SDCCAG8: variants seen among roughly 807,000 people sequenced by gnomAD.
The protein encoded by SDCCAG8 is serologically defined colon cancer antigen 8.
A neutral mutation model predicts 101.8 loss-of-function variants in SDCCAG8; 74 were observed. The observed-to-expected ratio is 0.73, with a 90% CI of 0.60 to 0.88. The LOEUF is 0.88. Ranked by LOEUF, SDCCAG8 falls within the 40% of genes least tolerant of loss-of-function variation. The pLI, the probability that SDCCAG8 is intolerant of heterozygous loss-of-function variation, is 0.00. For synonymous variants in SDCCAG8, 281 were observed against 292.9 expected, an observed-to-expected ratio of 0.96 and a Z score of 0.41; for missense variants, 787 against 822.6, an observed-to-expected ratio of 0.96 and a Z score of 0.53.
At chr1:243,352,494 A>C (rs916368688) in intron 12 of SDCCAG8, among the ~76,000 whole-genome samples, 1 of 152,334 alleles carries the variant, frequency 6.6e-6, no homozygotes, top group East Asian at 1.9e-4. Flanking sequence ...TCAGGTACCA[A>C]CTCTGCAGTT....
chr1:243,420,069 G>A (rs537276073), intron 15 of SDCCAG8, among the ~76,000 whole-genome samples: 3 of 152,298 alleles, frequency 2.0e-5, no homozygotes, highest in Admixed American at 6.5e-5. Flanking sequence ...GGTGCTATTC[G>A]CACCTCCTGA....
chr1:243,346,463 A>G (rs2075713670), intron 12 of SDCCAG8, among the ~76,000 whole-genome samples: 1 of 152,212 alleles, frequency 6.6e-6, no homozygotes, highest in African/African-American at 2.4e-5. Context: ...ATTTTAGTTC[A>G]TCTGACCACT....
At chr1:243,377,983 G>C (rs1158624925) in intron 12 of SDCCAG8, among the ~76,000 whole-genome samples, 1 of 150,532 alleles carries the variant, frequency 6.6e-6, no homozygotes, top group Non-Finnish European at 1.5e-5. Context: ...AGATATTTTT[G>C]CTTTGAAATA....
intron 6 of SDCCAG8, among the ~76,000 whole-genome samples, chr1:243,303,733 C>T (rs544354039): frequency 3.9e-5 from 6 of 152,102 alleles, no homozygotes; most frequent in African/African-American, 1.4e-4. Flanking sequence ...GTTAAGTCTT[C>T]TAGTCAATAG....
At chr1:243,336,704 T>A (rs111946485) in intron 10 of SDCCAG8, among the ~76,000 whole-genome samples, 107 of 152,274 alleles carry the variant, frequency 7.0e-4, no homozygotes, top group African/African-American at 2.6e-3. Context: ...GATTACAGTG[T>A]GATGTGAGAG....
chr1:243,487,004 G>T (rs1349129913), intron 16 of SDCCAG8, among the ~76,000 whole-genome samples: 3 of 152,224 alleles, frequency 2.0e-5, no homozygotes, highest in Non-Finnish European at 2.9e-5. Context: ...CCACCTTAGG[G>T]TTCCAGAGCT....
At chr1:243,450,137 C>T (rs188528925) in intron 16 of SDCCAG8, among the ~76,000 whole-genome samples, 130 of 152,220 alleles carry the variant, frequency 8.5e-4, no homozygotes, top group African/African-American at 3.1e-3. Context: ...TCATGGCCTT[C>T]GATGTCCTTC....
In SDCCAG8 at chr1:243,433,541, GTCTCTCCTGAGGAACCAGCCTC is replaced by G. The variant is rs544830700; in HGVS notation, c.1985+6984_1985+7005del. 3.8e-3 allele frequency among the ~76,000 whole-genome samples: 579 copies of G among 152,200 alleles called. 3 individuals carry two copies. Among genetic ancestry groups the G allele is most frequent in the African/African-American group, 0.013 (547 of 41,524 alleles). On this transcript the variant is annotated intron_variant, in intron 16 of 17. Coordinates refer to ENST00000366541, the MANE Select transcript of SDCCAG8 (RefSeq NM_006642.5). The stretch of plus-strand genomic sequence containing the variant: ...CCAGAAACCCAGATGCAAGAAGAAA[GTCTCTCCTGAGGAACCAGCCTC>G]CCTTGGCAGGCTAGACAGGAGTTGG...
At chr1:243,484,202 C>G (rs1664328346) in intron 16 of SDCCAG8, among the ~76,000 whole-genome samples, 1 of 152,280 alleles carries the variant, frequency 6.6e-6, no homozygotes, top group South Asian at 2.1e-4. Context: ...TCCATATTTG[C>G]TGGTTTGGCT....
In SDCCAG8 at chr1:243,426,407, TTTTG is replaced by T; in HGVS notation, c.1854-18_1854-15del. ...AATAAGAACTTCTAACATCTATTAT[TTTTG>T]TGTTTTCACCTCTAGATCTGAAATA... On this transcript the variant is annotated splice_polypyrimidine_tract_variant and intron_variant, in intron 15 of 17. Transcript: ENST00000366541. The T allele has an allele frequency of 1.2e-6, 2 of 1,606,228 alleles. No individual in the cohort carries two copies. Among genetic ancestry groups the T allele is most frequent in the Non-Finnish European group, 1.7e-6 (2 of 1,173,718 alleles).
intron 16 of SDCCAG8, among the ~76,000 whole-genome samples, chr1:243,462,417 CTGT>C (rs1261416432): frequency 6.6e-6 from 1 of 152,224 alleles, no homozygotes; most frequent in Admixed American, 6.5e-5. Flanking sequence ...GGCTGTGTGG[CTGT>C]GAAGGTAAGG....
At chr1:243,465,113 CTCT>C (rs1232154031) in intron 16 of SDCCAG8, among the ~76,000 whole-genome samples, 1 of 152,156 alleles carries the variant, frequency 6.6e-6, no homozygotes, top group Non-Finnish European at 1.5e-5. Context: ...ACAGTTTATT[CTCT>C]AGAAATGCCT....
At chr1:243,471,796 T>C (rs1043030063) in intron 16 of SDCCAG8, among the ~76,000 whole-genome samples, 1 of 152,210 alleles carries the variant, frequency 6.6e-6, no homozygotes, top group Non-Finnish European at 1.5e-5. Context: ...AAAATTATTC[T>C]AATTTCATAC....
At chr1:243,356,518 T>C (rs1037634803) in intron 12 of SDCCAG8, among the ~76,000 whole-genome samples, 1 of 152,058 alleles carries the variant, frequency 6.6e-6, no homozygotes, top group Non-Finnish European at 1.5e-5. Context: ...GCTTTTTTTT[T>C]CCTGTTTATA....
At chr1:243,275,255 G>A (rs550885323) in intron 4 of SDCCAG8, among the ~76,000 whole-genome samples, 3 of 151,794 alleles carry the variant, frequency 2.0e-5, no homozygotes, top group South Asian at 4.2e-4. Context: ...GAAGTATGTC[G>A]TGTTTTACTT....
rs533306014 is a variant in SDCCAG8 at position 243,494,571 on chromosome 1, C to T, written c.2113-5185C>T. On this transcript the variant is annotated intron_variant, in intron 17 of 17. Coordinates refer to ENST00000366541, the MANE Select transcript of SDCCAG8 (RefSeq NM_006642.5). The stretch of plus-strand genomic sequence containing the variant: ...TTAAACTTTTTGTTTTTTGACTGAG[C>T]GCCCCGTGTATAATTAATATTGAAA... 1.9e-4 allele frequency among the ~76,000 whole-genome samples: 29 copies of T among 152,224 alleles called. No individual in the cohort carries two copies. In the South Asian group the frequency reaches 2.1e-3, roughly 11 times the overall value.
In SDCCAG8 at chr1:243,293,472, T is replaced by C. The variant is rs1346887844; in HGVS notation, c.675+253T>C. 8.2e-6 allele frequency: 5 copies of C among 611,558 alleles called. No homozygotes were observed. In the African/African-American group the frequency reaches 9.0e-5, roughly 11 times the overall value. 37.9% of individuals were successfully genotyped at this position (611,558 alleles called of 1,614,324 possible). The stretch of plus-strand genomic sequence containing the variant: ...CTCCATTCCCCTCCCTGCCAACCCC[T>C]GATGACCTCTCTTCAACTTTCGGTC... On this transcript the variant is annotated intron_variant, in intron 6 of 17. Transcript: ENST00000366541.
At chr1:243,271,122 T>C in intron 3 of SDCCAG8, 59 bp downstream of exon 3, 2 of 1,229,452 alleles carry the variant, frequency 1.6e-6, no homozygotes, top group Non-Finnish European at 2.4e-6. Context: ...TATTGTGTTA[T>C]TTTGTAGTAC....
In SDCCAG8 at chr1:243,489,143, A is replaced by G. The variant is rs1387001745; in HGVS notation, c.2112+3A>G. The stretch of plus-strand genomic sequence containing the variant: ...AGGTGGACCGGCTGCGGACCCAGGT[A>G]CTGTGCAGAACGCGGCGCAGGTGGG... On this transcript the variant is annotated splice_donor_region_variant and intron_variant, in intron 17 of 17. Coordinates refer to ENST00000366541, the MANE Select transcript of SDCCAG8 (RefSeq NM_006642.5). The G allele has an allele frequency of 1.9e-6, 3 of 1,611,738 alleles. No homozygotes were observed. The highest frequency in any genetic ancestry group is 2.5e-6 in the Non-Finnish European group (3 of 1,179,714).
Sources: allele counts gnomAD v4.1 joint callset (sites outside exome capture counted in the v4.1 genomes callset), GRCh38; gene constraint gnomAD v4.1.1; transcripts MANE v1.5; gene names NCBI Gene and HGNC (gene_info 2026-07-23, HGNC 2026-07-21).